NPC1: variants seen among roughly 807,000 people sequenced by gnomAD.
NPC1 encodes NPC intracellular cholesterol transporter 1.
Under a neutral mutation model 140.4 loss-of-function variants are expected in NPC1, and 85 were observed. The ratio of observed to expected loss-of-function variants is 0.61; its 90% CI spans 0.51 to 0.72. The LOEUF (loss-of-function observed/expected upper bound fraction) is 0.72. Ranked by LOEUF, NPC1 falls within the 30% of genes least tolerant of loss-of-function variation. The pLI, the probability that NPC1 is intolerant of heterozygous loss-of-function variation, is 0.00. For synonymous variants in NPC1, 656 were observed against 624.8 expected, an observed-to-expected ratio of 1.05 and a Z score of -0.74; for missense variants, 1,504 against 1,623.8, an observed-to-expected ratio of 0.93 and a Z score of 1.27.
chr18:23,529,064 T>C (rs2058398849), downstream of NPC1: 4 of 1,479,140 alleles, frequency 2.7e-6, no homozygotes. Flanking sequence ...AGAGAAAGTG[T>C]TTTCCGCTCA....
intron 1 of NPC1, among the ~76,000 whole-genome samples, chr18:23,585,863 AC>A (rs2059412150): frequency 6.6e-6 from 1 of 152,170 alleles, no homozygotes. Flanking sequence ...GTGTCTCTTT[AC>A]CTCTGCTTCC....
In NPC1 at chr18:23,575,252, A is replaced by G. The variant is rs188672645; in HGVS notation, c.58-1678T>C. 1.7e-4 allele frequency among the ~76,000 whole-genome samples: 26 copies of G among 152,370 alleles called. No individual in the cohort carries two copies. The East Asian group carries it at 5.0e-3, about 29-fold the overall frequency. On this transcript the variant is annotated intron_variant, in intron 1 of 24. Transcript: ENST00000269228. ...CACTTGGTACTATAGATGTGAATAA[A>G]GATGGCCCACTGCTGTTTAGGTTCC... is the stretch of plus-strand genomic sequence containing the variant.
At chr18:23,575,931 C>T (rs2145563233) in intron 1 of NPC1, among the ~76,000 whole-genome samples, 1 of 151,464 alleles carries the variant, frequency 6.6e-6, no homozygotes, top group South Asian at 2.1e-4. Context: ...TTAAAAACAA[C>T]AACAACAACA....
At chr18:23,546,643 T>G (rs1359336640) in intron 11 of NPC1, among the ~76,000 whole-genome samples, 1 of 152,200 alleles carries the variant, frequency 6.6e-6, no homozygotes, top group African/African-American at 2.4e-5. Context: ...ATGCACACAA[T>G]GTGGTATATC....
At chr18:23,549,089 A>T (rs2058830558) in intron 10 of NPC1, among the ~76,000 whole-genome samples, 1 of 152,108 alleles carries the variant, frequency 6.6e-6, no homozygotes, top group South Asian at 2.1e-4. Flanking sequence ...GCACCTGGCT[A>T]GAATCAATTC....
intron 3 of NPC1, chr18:23,508,046 G>T: frequency 6.2e-7 from 1 of 1,609,628 alleles, no homozygotes; most frequent in South Asian, 1.1e-5. Context: ...TGCAAGGTAT[G>T]ACCCCAGGCC....
downstream of NPC1, chr18:23,526,711 T>C (rs1224157898): frequency 6.2e-7 from 1 of 1,614,174 alleles, no homozygotes; most frequent in Admixed American, 1.7e-5. Context: ...ACTCATGGAC[T>C]TTCTCCTCCA....
At chr18:23,534,120 C>G (rs942122477) in intron 23 of NPC1, 4 of 483,922 alleles carry the variant, frequency 8.3e-6, no homozygotes, top group South Asian at 4.2e-5. Flanking sequence ...AGACGACTCT[C>G]CAGGCACCAA....
At chr18:23,516,041 C>G (rs751862809) in intron 3 of NPC1, 1 of 1,612,824 alleles carries the variant, frequency 6.2e-7, no homozygotes, top group Admixed American at 1.7e-5. Context: ...CCCCAGTTGT[C>G]CCCTGTTCCT....
rs978051184 is a variant in NPC1 at position 23,516,191 on chromosome 18, G to A, written c.432-9549C>T. 20 of 1,317,984 alleles carry A rather than the reference G, an allele frequency of 1.5e-5. No homozygotes were observed. In the African/African-American group the frequency reaches 2.3e-4, roughly 15 times the overall value. The allele number at this position is 1,317,984 out of a possible 1,614,324, so 81.6% of individuals were successfully genotyped here. On this transcript the variant is annotated intron_variant, in intron 3 of 3. Coordinates refer to the NPC1 transcript ENST00000591107. ...TATGCTGGGCAGACAGGCTGTGAGA[G>A]GACATGGGGGACGGTGGAAAGGATC...
In NPC1 at chr18:23,545,914, G is replaced by C. The variant is rs559707802; in HGVS notation, c.1758-765C>G. ...CTGCATTAGGGTCTTCCACACTGGA[G>C]ACTATCAGATTACAGCTAAGGTTCC... On this transcript the variant is annotated intron_variant, in intron 11 of 24. Coordinates refer to ENST00000269228, the MANE Select transcript of NPC1 (RefSeq NM_000271.5). 9.2e-5 allele frequency among the ~76,000 whole-genome samples: 14 copies of C among 152,276 alleles called. No individual in the cohort carries two copies. The South Asian group carries it at 2.9e-3, about 32-fold the overall frequency.
intron 3 of NPC1, chr18:23,516,303 A>G (rs1193566837): frequency 6.2e-7 from 1 of 1,613,290 alleles, no homozygotes; most frequent in Admixed American, 1.7e-5. Context: ...TTCCTAAAAC[A>G]TTTTCCCCCT....
intron 14 of NPC1, 116 bp from the exon 15 acceptor site, chr18:23,541,549 G>C (rs2058714379): frequency 1.5e-6 from 2 of 1,343,790 alleles, no homozygotes; most frequent in African/African-American, 2.9e-5. Context: ...AAACGCATGA[G>C]AAGGCATGCT....
At chr18:23,514,489 GGAGGTTGCGGTGAGCC>G (rs1281964217) in intron 3 of NPC1, among the ~76,000 whole-genome samples, 9 of 152,144 alleles carry the variant, frequency 5.9e-5, no homozygotes, top group Admixed American at 5.9e-4. Flanking sequence ...CGTGGGAGGT[GGAGGTTGCGGTGAGCC>G]GAGATTGTGC....
At chr18:23,558,953 A>G (rs551021647) in intron 6 of NPC1, among the ~76,000 whole-genome samples, 35 of 151,872 alleles carry the variant, frequency 2.3e-4, no homozygotes, top group Middle Eastern at 3.4e-3. Context: ...ATTCCCACCT[A>G]TGAGTGAGAA....
rs958315448 is a variant in NPC1, at chr18:23,553,801, A to G, written c.1553+957T>C. ...CTGGGGTGACTATTCCCAATTATAA[A>G]CGCACCCTGCCCAGCTAGACATGCC... On this transcript the variant is annotated intron_variant, in intron 9 of 24. Coordinates refer to ENST00000269228, the MANE Select transcript of NPC1 (RefSeq NM_000271.5). 3.9e-5 allele frequency among the ~76,000 whole-genome samples: 6 copies of G among 152,144 alleles called. No individual in the cohort carries two copies. In the East Asian group the frequency reaches 1.2e-3, roughly 29 times the overall value.
chr18:23,549,409 G>A (rs972552227), intron 10 of NPC1, among the ~76,000 whole-genome samples: 2 of 152,122 alleles, frequency 1.3e-5, no homozygotes, highest in African/African-American at 4.8e-5. Flanking sequence ...AGGCCAAGGT[G>A]GGTGGATCAC....
downstream of NPC1, among the ~76,000 whole-genome samples, chr18:23,521,162 G>GT (rs1202237376): frequency 6.6e-6 from 1 of 152,112 alleles, no homozygotes; most frequent in Non-Finnish European, 1.5e-5. Context: ...GCCTGTTCTA[G>GT]TTTTTTAAAA....
In NPC1 at chr18:23,560,240, C is replaced by CA; in HGVS notation, c.871dup (p.Trp291LeufsTer17). The CA allele has an allele frequency of 6.2e-7, 1 of 1,614,064 alleles. No individual in the cohort carries two copies. The highest frequency in any genetic ancestry group is 8.5e-7 in the Non-Finnish European group (1 of 1,180,008). On this transcript the variant is annotated frameshift_variant, in exon 6 of 25. Coordinates refer to ENST00000269228, the MANE Select transcript of NPC1 (RefSeq NM_000271.5). LOFTEE classifies it high-confidence loss of function. ...AAACAAAACTGCTTACCTGTAGCACCACACTGCAAAAAATGCTCCAAAAAA... is the reference window on the plus strand; with the variant it reads ...AAACAAAACTGCTTACCTGTAGCACCAACACTGCAAAAAATGCTCCAAAAAA...
Sources: allele counts gnomAD v4.1 joint callset (sites outside exome capture counted in the v4.1 genomes callset), GRCh38; gene constraint gnomAD v4.1.1; transcripts MANE v1.5; gene names NCBI Gene and HGNC (gene_info 2026-07-23, HGNC 2026-07-21).